EBF2: variants seen among roughly 807,000 people sequenced by gnomAD.
EBF2 encodes EBF transcription factor 2.
A neutral mutation model predicts 72.8 loss-of-function variants in EBF2; 21 were observed. The ratio of observed to expected loss-of-function variants is 0.29; its 90% CI spans 0.20 to 0.42. The LOEUF is 0.42. Ranked by LOEUF, EBF2 falls within the 10% of genes least tolerant of loss-of-function variation. The pLI, the probability that EBF2 is intolerant of heterozygous loss-of-function variation, is 1.00. For missense variants in EBF2, 637 were observed against 731.2 expected (o/e 0.87, Z 1.49); for synonymous variants, 299 against 274.2 (o/e 1.09, Z -0.89).
At chr8:25,957,542 T>TTAGTTAAA (rs1803970325) in intron 6 of EBF2, among the ~76,000 whole-genome samples, 1 of 152,122 alleles carries the variant, frequency 6.6e-6, no homozygotes, top group African/African-American at 2.4e-5. Context: ...CTTGAGTTAT[T>TTAGTTAAA]TAACTACATC....
At chr8:25,894,519 T>C (rs1288453846) in intron 7 of EBF2, among the ~76,000 whole-genome samples, 2 of 152,160 alleles carry the variant, frequency 1.3e-5, no homozygotes, top group Non-Finnish European at 2.9e-5. Context: ...AGTCAACCCC[T>C]GACAACTTCC....
chr8:25,939,388 G>A (rs550485904), intron 6 of EBF2, among the ~76,000 whole-genome samples: 6 of 152,206 alleles, frequency 3.9e-5, no homozygotes, highest in East Asian at 1.9e-4. Context: ...TTGGGTCTCC[G>A]TGTGCGTGTG....
At chr8:26,033,679 C>G (rs1805446198) in intron 5 of EBF2, among the ~76,000 whole-genome samples, 1 of 152,040 alleles carries the variant, frequency 6.6e-6, no homozygotes. Flanking sequence ...ATCTGTGCAG[C>G]AAACCACCGT....
intron 6 of EBF2, among the ~76,000 whole-genome samples, chr8:25,970,313 G>A (rs1358180683): frequency 6.6e-6 from 1 of 152,178 alleles, no homozygotes; most frequent in Non-Finnish European, 1.5e-5. Context: ...CGCTTCGACA[G>A]GAGCCTTCAT....
At chr8:25,932,824 A>C (rs1423635272) in intron 6 of EBF2, among the ~76,000 whole-genome samples, 1 of 152,202 alleles carries the variant, frequency 6.6e-6, no homozygotes, top group Non-Finnish European at 1.5e-5. Flanking sequence ...TACTGCCAGA[A>C]TCTACTGGCA....
chr8:25,884,939 C>T (rs1802665530), intron 10 of EBF2, among the ~76,000 whole-genome samples: 1 of 152,136 alleles, frequency 6.6e-6, no homozygotes, highest in African/African-American at 2.4e-5. Context: ...ACTACACTAT[C>T]TATAAAATAA....
intron 13 of EBF2, among the ~76,000 whole-genome samples, chr8:25,860,497 T>C (rs2117261333): frequency 6.6e-6 from 1 of 152,152 alleles, no homozygotes; most frequent in East Asian, 1.9e-4. Flanking sequence ...CTTTTTTTTT[T>C]TTTTTTGAGA....
At chr8:25,968,653 C>A (rs192027217) in intron 6 of EBF2, among the ~76,000 whole-genome samples, 13 of 152,294 alleles carry the variant, frequency 8.5e-5, no homozygotes, top group South Asian at 2.1e-4. Context: ...CCTCCACCCC[C>A]CTGGGTTCAA....
intron 6 of EBF2, among the ~76,000 whole-genome samples, chr8:25,980,841 T>A (rs1804350391): frequency 7.4e-6 from 1 of 135,308 alleles, no homozygotes; most frequent in Non-Finnish European, 1.6e-5. Context: ...AGGAAAGCAG[T>A]GGGGGAGGGG....
chr8:25,934,266 C>T (rs1803537052), intron 6 of EBF2, among the ~76,000 whole-genome samples: 1 of 143,158 alleles, frequency 7.0e-6, no homozygotes, highest in African/African-American at 2.7e-5. Context: ...CACACACACA[C>T]ACACACACAC....
At chr8:25,926,888 G>A (rs574732976) in intron 6 of EBF2, among the ~76,000 whole-genome samples, 17 of 152,332 alleles carry the variant, frequency 1.1e-4, no homozygotes, top group Admixed American at 9.1e-4. Flanking sequence ...CCCCTGGAAT[G>A]AAGGAGGAGG....
chr8:25,858,233 C>T, intron 14 of EBF2, 86 bp downstream of exon 14: 2 of 1,524,304 alleles, frequency 1.3e-6, no homozygotes, highest in East Asian at 2.3e-5. Flanking sequence ...GGAAGATTTA[C>T]AAATGCAACT....
intron 14 of EBF2, 107 bp from the exon 15 acceptor site, chr8:25,850,868 G>C (rs1801953515): frequency 7.9e-7 from 1 of 1,273,840 alleles, no homozygotes; most frequent in Non-Finnish European, 1.1e-6. Flanking sequence ...CATTGTTCCA[G>C]ATTGCAGGGA....
chr8:25,880,178 A>G (rs1052620809), intron 10 of EBF2, among the ~76,000 whole-genome samples: 1 of 152,208 alleles, frequency 6.6e-6, no homozygotes, highest in African/African-American at 2.4e-5. Flanking sequence ...TACTTAAGAT[A>G]ATAGGCCACG....
chr8:25,986,018 A>AAAAAAAAG (rs1804448269), intron 6 of EBF2, among the ~76,000 whole-genome samples: 3 of 149,636 alleles, frequency 2.0e-5, no homozygotes, highest in Non-Finnish European at 3.0e-5. Flanking sequence ...AAAAAAAAAA[A>AAAAAAAAG]AAAAAAAGTA....
At chr8:25,917,725 G>A (rs955116729) in intron 6 of EBF2, among the ~76,000 whole-genome samples, 3 of 152,088 alleles carry the variant, frequency 2.0e-5, no homozygotes, top group Admixed American at 6.5e-5. Flanking sequence ...GGTCCTCACC[G>A]TCCCATTTCC....
chr8:25,935,860 A>G (rs1803570639), intron 6 of EBF2, among the ~76,000 whole-genome samples: 1 of 152,240 alleles, frequency 6.6e-6, no homozygotes, highest in Non-Finnish European at 1.5e-5. Flanking sequence ...AATATTCCTT[A>G]AAGAGGCACT....
intron 6 of EBF2, among the ~76,000 whole-genome samples, chr8:25,936,561 T>C (rs544515414): frequency 4.6e-5 from 7 of 152,218 alleles, no homozygotes; most frequent in Admixed American, 6.5e-5. Context: ...CTAGAAATAT[T>C]GGATGAAGTT....
intron 6 of EBF2, among the ~76,000 whole-genome samples, chr8:26,004,407 G>T (rs1208625457): frequency 6.6e-6 from 1 of 152,032 alleles, no homozygotes; most frequent in Non-Finnish European, 1.5e-5. Flanking sequence ...TGGCACAGTG[G>T]CTCACACCTG....
Sources: gnomAD v4.1 joint callset for allele counts (sites outside exome capture counted in the v4.1 genomes callset) on GRCh38, gnomAD v4.1.1 for gene constraint, MANE v1.5 for transcripts, NCBI Gene and HGNC (gene_info 2026-07-23, HGNC 2026-07-21) for gene names.